The following FMN1 variants were observed in gnomAD, a reference collection of about 807,000 sequenced individuals.
The protein encoded by FMN1 is formin-1.
In FMN1, 110 loss-of-function variants were observed where a neutral mutation model predicts 132.4. The ratio of observed to expected loss-of-function variants is 0.83; its 90% confidence interval spans 0.71 to 0.97. FMN1 has a LOEUF of 0.97. Among genes scored for constraint, FMN1 ranks in the 50% least tolerant of loss-of-function variants. The probability of loss-of-function intolerance (pLI) is 0.00; values close to 1 mark genes in which losing one functional copy is unlikely to be tolerated. For missense variants in FMN1, 1,792 were observed against 1,705.3 expected (o/e 1.05, Z -0.90); for synonymous variants, 722 against 651.7 (o/e 1.11, Z -1.64).
Position 33,154,087 on chromosome 15 carries a change from T to C in FMN1, c.828A>G (p.Ala276=), listed in dbSNP as rs1273035617. ...VLPPDCSSTE[A]GGDGIRRPPS... is the part of the protein sequence containing the mutation. ...GCGGCCTCCGAATGCCATCCCCTCC[T>C]GCCTCTGTGGAGCTGCAGTCAGGGG... is the stretch of plus-strand genomic sequence containing the variant. Residue 276 remains alanine, a synonymous_variant, in exon 4 of 21, where the codon GCA becomes GCG. Coordinates refer to ENST00000616417, the MANE Select transcript of FMN1 (RefSeq NM_001277313.2). 3.3e-6 allele frequency: 5 copies of C among 1,536,136 alleles called. No homozygotes were observed. In the South Asian group the frequency reaches 5.9e-5, roughly 18 times the overall value.
chr15:33,050,023 G>C (rs2036894944), intron 6 of FMN1, among the ~76,000 whole-genome samples: 2 of 152,262 alleles, frequency 1.3e-5, no homozygotes, highest in South Asian at 4.1e-4. Flanking sequence ...TTCTGGTACA[G>C]TATTCAACAA....
chr15:32,957,996 T>G (rs1385050352), intron 9 of FMN1, among the ~76,000 whole-genome samples: 1 of 152,146 alleles, frequency 6.6e-6, no homozygotes, highest in African/African-American at 2.4e-5. Flanking sequence ...GTATGCAATA[T>G]AAATTTGTAA....
intron 4 of FMN1, among the ~76,000 whole-genome samples, chr15:33,152,231 C>T (rs1399853682): frequency 6.6e-6 from 1 of 152,170 alleles, no homozygotes; most frequent in African/African-American, 2.4e-5. Flanking sequence ...GCTTCTTTTA[C>T]ACAGTCTTTT....
chr15:32,910,461 C>A lies in FMN1; in HGVS notation c.3288+13G>T. ...ATATGGAAATACTAGCTCTGTAAGTCTTTGACACTCACGTTTTCATATAAG... is the reference window on the plus strand; with the variant it reads ...ATATGGAAATACTAGCTCTGTAAGTATTTGACACTCACGTTTTCATATAAG... On this transcript the variant is annotated intron_variant, in intron 11 of 20. Transcript: ENST00000616417. 6.4e-7 allele frequency: 1 copy of A among 1,562,458 alleles called. No individual in the cohort carries two copies. The highest frequency in any genetic ancestry group is 8.7e-7 in the Non-Finnish European group (1 of 1,150,140).
chr15:32,841,222 A>G (rs17816441), intron 17 of FMN1, among the ~76,000 whole-genome samples: 11,506 of 152,216 alleles, frequency 0.076, 502 homozygotes, highest in Middle Eastern at 0.12. Flanking sequence ...TGTCCATTTA[A>G]TATGTTTGAG....
intron 4 of FMN1, among the ~76,000 whole-genome samples, chr15:33,145,277 C>T (rs1243163370): frequency 6.6e-6 from 1 of 151,798 alleles, no homozygotes; most frequent in South Asian, 2.1e-4. Flanking sequence ...CTACCTCTCC[C>T]GCTTCTCCTT....
At chr15:33,080,991 A>T (rs944091608) in intron 5 of FMN1, among the ~76,000 whole-genome samples, 19 of 152,186 alleles carry the variant, frequency 1.2e-4, no homozygotes, top group Non-Finnish European at 1.5e-5. Context: ...TGAGCCCAAG[A>T]TGATGAGATG....
chr15:32,872,525 CA>C (rs1168249593), intron 16 of FMN1, among the ~76,000 whole-genome samples: 2 of 152,212 alleles, frequency 1.3e-5, no homozygotes, highest in Non-Finnish European at 2.9e-5. Context: ...AGTCAAAATG[CA>C]TATTTTGTGG....
At chr15:33,078,507 C>T (rs1245019644) in intron 5 of FMN1, among the ~76,000 whole-genome samples, 1 of 152,154 alleles carries the variant, frequency 6.6e-6, no homozygotes, top group African/African-American at 2.4e-5. Flanking sequence ...AAGTCACATA[C>T]TTTCTATAGC....
At chr15:33,032,819 C>T (rs575736146) in intron 6 of FMN1, among the ~76,000 whole-genome samples, 3 of 152,084 alleles carry the variant, frequency 2.0e-5, no homozygotes, top group South Asian at 4.2e-4. Context: ...ATCCTAGCTA[C>T]CATTTACAAG....
intron 10 of FMN1, among the ~76,000 whole-genome samples, chr15:32,919,717 C>T (rs2060774446): frequency 6.6e-6 from 1 of 152,170 alleles, no homozygotes; most frequent in South Asian, 2.1e-4. Context: ...TTTGAGTAGA[C>T]ACTCTTCTAG....
At chr15:32,882,518 G>C (rs2059795341) in intron 16 of FMN1, among the ~76,000 whole-genome samples, 1 of 152,178 alleles carries the variant, frequency 6.6e-6, no homozygotes, top group Admixed American at 6.5e-5. Context: ...GTCTACACTG[G>C]TAGGGAGGAG....
intron 20 of FMN1, 111 bp from the exon 21 acceptor site, chr15:32,774,465 G>A (rs2056351228): frequency 3.7e-6 from 3 of 805,554 alleles, no homozygotes; most frequent in Non-Finnish European, 6.1e-6. Context: ...GTGCCAAATG[G>A]CCTAGAAATG....
At chr15:32,843,461 A>G (rs1035434574) in intron 17 of FMN1, among the ~76,000 whole-genome samples, 4 of 152,256 alleles carry the variant, frequency 2.6e-5, no homozygotes, top group Non-Finnish European at 4.4e-5. Flanking sequence ...TATGTTAGCA[A>G]TTAGGCTTAA....
chr15:33,110,797 A>C (rs1170810270), intron 4 of FMN1, among the ~76,000 whole-genome samples: 4 of 152,094 alleles, frequency 2.6e-5, no homozygotes, highest in Non-Finnish European at 5.9e-5. Context: ...TCTGTTATTA[A>C]AACAAAAATA....
intron 4 of FMN1, among the ~76,000 whole-genome samples, chr15:33,125,007 A>C (rs1157521099): frequency 6.6e-6 from 1 of 152,140 alleles, no homozygotes; most frequent in African/African-American, 2.4e-5. Context: ...AATGTATAAA[A>C]TCCCTTCTCG....
intron 6 of FMN1, among the ~76,000 whole-genome samples, chr15:33,060,966 A>G (rs1480450282): frequency 1.3e-5 from 2 of 152,202 alleles, no homozygotes; most frequent in African/African-American, 2.4e-5. Context: ...AATTTCAGGT[A>G]GCCCTTCATA....
At chr15:33,050,045 T>C (rs2036895497) in intron 6 of FMN1, among the ~76,000 whole-genome samples, 1 of 152,250 alleles carries the variant, frequency 6.6e-6, no homozygotes, top group Non-Finnish European at 1.5e-5. Flanking sequence ...TTATATTAGA[T>C]ATTCAACACT....
At chr15:33,170,080 T>C (rs910772337) in intron 3 of FMN1, among the ~76,000 whole-genome samples, 5 of 152,044 alleles carry the variant, frequency 3.3e-5, no homozygotes, top group Non-Finnish European at 5.9e-5. Context: ...TGTGGACCAA[T>C]AGAACTGAAT....
Sources: allele counts gnomAD v4.1 joint callset (sites outside exome capture counted in the v4.1 genomes callset), GRCh38; gene constraint gnomAD v4.1.1; transcripts MANE v1.5; gene names NCBI Gene and HGNC (gene_info 2026-07-23, HGNC 2026-07-21).